The following CEP112 variants were observed in gnomAD, a reference collection of about 807,000 sequenced individuals.
The protein encoded by CEP112 is centrosomal protein 112, also known as centrosomal protein of 112 kDa.
In CEP112, 127 loss-of-function variants were observed where a neutral mutation model predicts 153.0. The ratio of observed to expected loss-of-function variants is 0.83; its 90% confidence interval spans 0.72 to 0.96. CEP112 has a LOEUF of 0.96. Ranked by LOEUF, CEP112 falls within the 40% of genes least tolerant of loss-of-function variation. CEP112 has a pLI of 0.00. For synonymous variants in CEP112, 358 were observed against 374.4 expected, an observed-to-expected ratio of 0.96 and a Z score of 0.51; for missense variants, 1,089 against 1,101.2, an observed-to-expected ratio of 0.99 and a Z score of 0.16.
At chr17:65,713,560 T>C (rs1447567352) in intron 23 of CEP112, among the ~76,000 whole-genome samples, 2 of 152,162 alleles carry the variant, frequency 1.3e-5, no homozygotes, top group Non-Finnish European at 2.9e-5. Flanking sequence ...ACAGCTATTA[T>C]TCCCTCTCAC....
chr17:65,945,658 T>A (rs950978244), intron 18 of CEP112, among the ~76,000 whole-genome samples: 1 of 152,092 alleles, frequency 6.6e-6, no homozygotes, highest in Non-Finnish European at 1.5e-5. Context: ...TTTATTTATT[T>A]TTTTTGAGAT....
At chr17:66,084,706 T>C (rs565601215) in intron 8 of CEP112, among the ~76,000 whole-genome samples, 3 of 152,116 alleles carry the variant, frequency 2.0e-5, no homozygotes, top group South Asian at 2.1e-4. Context: ...GGATGGTTAA[T>C]GGGTATAAAA....
chr17:66,029,001 T>C, intron 14 of CEP112, 122 bp downstream of exon 14: 1 of 782,024 alleles, frequency 1.3e-6, no homozygotes, highest in Non-Finnish European at 2.0e-6. Flanking sequence ...TTCCTGTTAA[T>C]TTAAGAATAA....
chr17:66,073,034 C>T (rs578151211), intron 8 of CEP112, among the ~76,000 whole-genome samples: 1 of 152,194 alleles, frequency 6.6e-6, no homozygotes, highest in Non-Finnish European at 1.5e-5. Flanking sequence ...GTTTGACCTC[C>T]AAGGAAGCCT....
chr17:65,801,628 G>A (rs564653271), intron 21 of CEP112, among the ~76,000 whole-genome samples: 1 of 152,110 alleles, frequency 6.6e-6, no homozygotes, highest in Non-Finnish European at 1.5e-5. Context: ...CATTTTAAAA[G>A]GACATTACTG....
intron 6 of CEP112, among the ~76,000 whole-genome samples, chr17:66,120,281 A>C (rs536509582): frequency 1.3e-5 from 2 of 151,948 alleles, no homozygotes; most frequent in Non-Finnish European, 2.9e-5. Flanking sequence ...GCTCACTGCA[A>C]CCTCCACCTC....
chr17:65,924,040 G>C (rs369813618), intron 19 of CEP112, among the ~76,000 whole-genome samples: 1 of 151,968 alleles, frequency 6.6e-6, no homozygotes, highest in Non-Finnish European at 1.5e-5. Flanking sequence ...GCAGTGGTGC[G>C]ATTTTGGCTC....
chr17:66,079,433 A>T (rs2067630886), intron 8 of CEP112, among the ~76,000 whole-genome samples: 1 of 152,240 alleles, frequency 6.6e-6, no homozygotes. Context: ...ACTATATGGC[A>T]CAACAATGCC....
intron 17 of CEP112, among the ~76,000 whole-genome samples, chr17:65,974,842 G>T (rs971972750): frequency 2.0e-5 from 3 of 151,990 alleles, no homozygotes; most frequent in Non-Finnish European, 4.4e-5. Context: ...CCACAGAAGT[G>T]GCTTGGAATG....
intron 18 of CEP112, among the ~76,000 whole-genome samples, chr17:65,937,585 ACCCGGCCAGCCG>A (rs2061374101): frequency 5.3e-5 from 2 of 37,584 alleles, no homozygotes; most frequent in South Asian, 1.7e-3. Context: ...TCAGCCCCCC[ACCCGGCCAGCCG>A]CCCCGTCCGG....
chr17:66,118,853 T>C (rs1030463478), intron 6 of CEP112, among the ~76,000 whole-genome samples: 5 of 150,954 alleles, frequency 3.3e-5, no homozygotes. Context: ...TATGTATCCA[T>C]AATTAAAAAT....
intron 18 of CEP112, among the ~76,000 whole-genome samples, chr17:65,931,584 G>T (rs1599052439): frequency 6.6e-6 from 1 of 152,186 alleles, no homozygotes; most frequent in South Asian, 2.1e-4. Context: ...AGGGAAAATG[G>T]AGCTCACAGC....
At chr17:66,016,369 C>CA (rs940546993) in intron 16 of CEP112, among the ~76,000 whole-genome samples, 1 of 151,996 alleles carries the variant, frequency 6.6e-6, no homozygotes, top group African/African-American at 2.4e-5. Context: ...TGCTGCTTGA[C>CA]AAAAACCACA....
intron 18 of CEP112, among the ~76,000 whole-genome samples, chr17:65,941,765 A>T (rs2061511217): frequency 6.8e-6 from 1 of 148,070 alleles, no homozygotes; most frequent in Admixed American, 7.1e-5. Context: ...AAAGTGTGTT[A>T]GGTTTTTTTT....
intron 18 of CEP112, among the ~76,000 whole-genome samples, chr17:65,943,868 T>A (rs189054203): frequency 3.9e-5 from 6 of 152,330 alleles, no homozygotes; most frequent in Admixed American, 2.6e-4. Context: ...AGGTTTGGTC[T>A]TTTTACATAA....
chr17:65,693,815 T>C (rs1307139189), intron 23 of CEP112, among the ~76,000 whole-genome samples: 2 of 152,178 alleles, frequency 1.3e-5, no homozygotes, highest in Non-Finnish European at 2.9e-5. Context: ...ACAGGACCTC[T>C]GGCAGGGAAT....
intron 23 of CEP112, among the ~76,000 whole-genome samples, chr17:65,691,301 T>C (rs961970938): frequency 1.3e-5 from 2 of 152,206 alleles, no homozygotes; most frequent in African/African-American, 2.4e-5. Flanking sequence ...ACAATGCCAG[T>C]CTTTTTTATG....
chr17:65,925,186 C>T (rs574611714), intron 19 of CEP112, among the ~76,000 whole-genome samples: 188 of 152,296 alleles, frequency 1.2e-3, no homozygotes, highest in Non-Finnish European at 2.0e-3. Context: ...CAAGATCCGA[C>T]GGTTTTATAA....
chr17:65,744,493 C>T (rs2051327030), intron 22 of CEP112, among the ~76,000 whole-genome samples: 1 of 152,162 alleles, frequency 6.6e-6, no homozygotes, highest in Admixed American at 6.5e-5. Context: ...GATCTGCCCG[C>T]CTTGGCCTCC....
Sources: gnomAD v4.1 joint callset for allele counts (sites outside exome capture counted in the v4.1 genomes callset) on GRCh38, gnomAD v4.1.1 for gene constraint, MANE v1.5 for transcripts, NCBI Gene and HGNC (gene_info 2026-07-23, HGNC 2026-07-21) for gene names.